The following SMAD1 variants were observed in gnomAD, a reference collection of about 807,000 sequenced individuals.
SMAD1 encodes the protein SMAD family member 1.
Under a neutral mutation model 41.6 loss-of-function variants are expected in SMAD1, and 6 were observed. The observed-to-expected ratio is 0.14, with a 90% CI of 0.08 to 0.28. The LOEUF (loss-of-function observed/expected upper bound fraction) is 0.28, where lower values mean the gene tolerates loss of function less well. Ranked by LOEUF, SMAD1 falls within the 10% of genes least tolerant of loss-of-function variation. The pLI, the probability that SMAD1 is intolerant of heterozygous loss-of-function variation, is 1.00. For synonymous variants in SMAD1, 206 were observed against 203.2 expected, an observed-to-expected ratio of 1.01 and a Z score of -0.12; for missense variants, 379 against 582.6, an observed-to-expected ratio of 0.65 and a Z score of 3.60.
chr4:145,515,918 A>G (rs1216514855), intron 2 of SMAD1, among the ~76,000 whole-genome samples: 1 of 152,180 alleles, frequency 6.6e-6, no homozygotes, highest in Non-Finnish European at 1.5e-5. Context: ...TTCAGGTGTT[A>G]CTGATGTAGC....
At position 145,514,957 on chromosome 4, in the gene SMAD1, C is replaced by G. The variant is rs1368835528; in HGVS notation, c.344C>G (p.Ser115Cys). The change falls in exon 2 of 7, where the codon TCC becomes TGC. Residue 115 changes from serine to cysteine, a missense_variant. Around this residue, in one of 3 missense-constraint regions of SMAD1, gnomAD observed 64 missense variants for 153.9 expected, o/e 0.42. Transcript: ENST00000302085. This position sits in a 1 kb window ranked among gnomAD's most constrained non-coding sequence, Gnocchi z 4.7. The part of the protein sequence containing the change: ...PLECCEFPFG[S>C]KQKEVCINPY... ...GAATGCTGTGAGTTTCCTTTTGGTT[C>G]CAAGCAGAAGGAGGTCTGCATCAAT... The G allele has an allele frequency of 1.2e-6, 2 of 1,613,866 alleles. No homozygotes were observed. The highest frequency in any genetic ancestry group is 2.7e-5 in the African/African-American group (2 of 74,934).
At chr4:145,547,814 A>G (rs1365659185) in intron 5 of SMAD1, among the ~76,000 whole-genome samples, 2 of 152,198 alleles carry the variant, frequency 1.3e-5, no homozygotes, top group African/African-American at 2.4e-5. Flanking sequence ...GTATGTATGT[A>G]TGCATGTTTA....
chr4:145,550,111 C>T (rs1284864592), intron 5 of SMAD1, among the ~76,000 whole-genome samples: 1 of 151,878 alleles, frequency 6.6e-6, no homozygotes, highest in African/African-American at 2.4e-5. Flanking sequence ...CTCAAATATA[C>T]AATTATAGAT....
chr4:145,557,700 T>A, intron 6 of SMAD1, 91 bp from the exon 7 acceptor site: 1 of 987,092 alleles, frequency 1.0e-6, no homozygotes, highest in Non-Finnish European at 1.5e-6. Flanking sequence ...ATAGCTTTAA[T>A]CAGAGTCTTT....
At chr4:145,530,039 C>T (rs1731235971) in intron 2 of SMAD1, among the ~76,000 whole-genome samples, 2 of 152,190 alleles carry the variant, frequency 1.3e-5, no homozygotes, top group Non-Finnish European at 2.9e-5. Context: ...AATTTACAAA[C>T]ATATTGAAAA....
chr4:145,549,342 T>C (rs2126541758), intron 5 of SMAD1, among the ~76,000 whole-genome samples: 1 of 152,308 alleles, frequency 6.6e-6, no homozygotes, highest in South Asian at 2.1e-4. Context: ...TCCCTATTCT[T>C]AGGAAATACT....
chr4:145,533,062 G>C (rs557314115), intron 2 of SMAD1, among the ~76,000 whole-genome samples: 2 of 152,186 alleles, frequency 1.3e-5, no homozygotes, highest in Admixed American at 6.5e-5. Context: ...AGAGAACCAC[G>C]CATTGTCCTT....
chr4:145,520,711 G>A (rs1413170182), intron 2 of SMAD1, among the ~76,000 whole-genome samples: 1 of 152,166 alleles, frequency 6.6e-6, no homozygotes, highest in Non-Finnish European at 1.5e-5. Flanking sequence ...AGAAGTCTAT[G>A]CTTTTGTTAT....
At chr4:145,521,988 C>T (rs762189654) in intron 2 of SMAD1, among the ~76,000 whole-genome samples, 12 of 150,708 alleles carry the variant, frequency 8.0e-5, no homozygotes, top group Non-Finnish European at 1.3e-4. Flanking sequence ...ATTAAAAAGA[C>T]GAGAGGAAAT....
chr4:145,503,317 T>C (rs893545728), intron 1 of SMAD1, among the ~76,000 whole-genome samples: 1 of 152,152 alleles, frequency 6.6e-6, no homozygotes, highest in Admixed American at 6.5e-5. Context: ...GGCTTTCTTG[T>C]GTAGGAATTT....
chr4:145,487,448 A>T (rs1489231980), intron 1 of SMAD1, among the ~76,000 whole-genome samples: 1 of 152,162 alleles, frequency 6.6e-6, no homozygotes, highest in Non-Finnish European at 1.5e-5. Context: ...TTTGGTACCA[A>T]GATTTTAGGA....
chr4:145,532,876 AT>A (rs1241909853), intron 2 of SMAD1, among the ~76,000 whole-genome samples: 12 of 152,198 alleles, frequency 7.9e-5, no homozygotes. Context: ...AGGCTGGTAA[AT>A]CTCTCACCCA....
chr4:145,549,402 T>A (rs1402981282), intron 5 of SMAD1, among the ~76,000 whole-genome samples: 1 of 152,246 alleles, frequency 6.6e-6, no homozygotes, highest in Non-Finnish European at 1.5e-5. Flanking sequence ...TAAAGATACC[T>A]GTCTACTCAC....
chr4:145,541,995 C>T (rs924467032), intron 3 of SMAD1, among the ~76,000 whole-genome samples: 4 of 152,202 alleles, frequency 2.6e-5, no homozygotes, highest in African/African-American at 9.6e-5. Flanking sequence ...TAAACTGATT[C>T]ATTTTCTGTT....
upstream of SMAD1, chr4:145,481,523 G>A (rs1026078055): frequency 1.3e-5 from 2 of 152,172 alleles, no homozygotes; most frequent in Non-Finnish European, 2.9e-5. Context: ...AATGGACTAA[G>A]TCCGCTCCAC....
chr4:145,554,071 C>T, intron 6 of SMAD1, 31 bp downstream of exon 6: 1 of 1,559,878 alleles, frequency 6.4e-7, no homozygotes, highest in Non-Finnish European at 8.7e-7. Context: ...CCATTTAGGG[C>T]CTAACATACT....
At chr4:145,509,254 A>G (rs957995733) in intron 1 of SMAD1, among the ~76,000 whole-genome samples, 1 of 152,206 alleles carries the variant, frequency 6.6e-6, no homozygotes, top group African/African-American at 2.4e-5. Context: ...TTGTTTACAC[A>G]CTGGCTTTCC....
At chr4:145,521,565 C>T (rs746676439) in intron 2 of SMAD1, among the ~76,000 whole-genome samples, 6 of 152,136 alleles carry the variant, frequency 3.9e-5, no homozygotes, top group Non-Finnish European at 5.9e-5. Context: ...TTGGCTGCCT[C>T]AGTCACTGTG....
In SMAD1 at chr4:145,488,556, CTT is replaced by C. The variant is rs57963489; in HGVS notation, c.-177+6525_-177+6526del. ...GTAGAAGTATTCCAGACCTTTATAG[CTT>C]TTTTTTCTTTTAGTTTCAAACACTT... On this transcript the variant is annotated intron_variant, in intron 1 of 6. Coordinates refer to ENST00000302085, the MANE Select transcript of SMAD1 (RefSeq NM_005900.3). Among the ~76,000 whole-genome samples, 297 of 151,064 alleles carry C rather than the reference CTT, an allele frequency of 2.0e-3. 2 individuals are homozygous for C. Among genetic ancestry groups the C allele is most frequent in the African/African-American group, 7.0e-3 (288 of 41,192 alleles).
Sources: gnomAD v4.1 joint callset for allele counts (sites outside exome capture counted in the v4.1 genomes callset) on GRCh38, gnomAD v4.1.1 for gene constraint, gnomAD v4.1.1 regional missense constraint, Gnocchi (gnomAD v3.1) non-coding constraint, MANE v1.5 for transcripts, NCBI Gene and HGNC (gene_info 2026-07-23, HGNC 2026-07-21) for gene names.